Variants in LRRC4C observed in about 807,000 individuals in gnomAD.
LRRC4C encodes the protein leucine rich repeat containing 4C.
LRRC4C carries 5 observed loss-of-function variants against 33.6 expected under a neutral mutation model. The ratio of observed to expected loss-of-function variants is 0.15; its 90% CI spans 0.08 to 0.31. The LOEUF is 0.31. LRRC4C is among the 10% of genes least tolerant of loss of function. LRRC4C has a pLI of 1.00. For missense variants in LRRC4C, 560 were observed against 796.7 expected, an observed-to-expected ratio of 0.70 and a Z score of 3.58; for synonymous variants, 329 against 302.0, an observed-to-expected ratio of 1.09 and a Z score of -0.93.
intron 5 of LRRC4C, among the ~76,000 whole-genome samples, chr11:40,204,037 C>A (rs914074012): frequency 6.6e-6 from 1 of 152,170 alleles, no homozygotes; most frequent in African/African-American, 2.4e-5. Context: ...ACCATCACAC[C>A]TCAACCTCCC....
At chr11:40,915,749 G>A (rs1437958176) in intron 2 of LRRC4C, among the ~76,000 whole-genome samples, 1 of 151,862 alleles carries the variant, frequency 6.6e-6, no homozygotes, top group Non-Finnish European at 1.5e-5. Context: ...TACCATCAGA[G>A]TGAACAGGCA....
At chr11:40,887,800 A>G (rs766219213) in intron 2 of LRRC4C, among the ~76,000 whole-genome samples, 3 of 152,008 alleles carry the variant, frequency 2.0e-5, no homozygotes, top group Non-Finnish European at 2.9e-5. Flanking sequence ...CTAGAATATT[A>G]ATGATGTTGT....
chr11:40,977,811 C>G (rs544979810), intron 1 of LRRC4C, among the ~76,000 whole-genome samples: 2 of 152,182 alleles, frequency 1.3e-5, no homozygotes, highest in African/African-American at 4.8e-5. Flanking sequence ...TAGTGCTAAT[C>G]ATTTCAATCA....
chr11:40,134,152 G>A (rs1336359540), intron 6 of LRRC4C, among the ~76,000 whole-genome samples: 1 of 152,114 alleles, frequency 6.6e-6, no homozygotes, highest in East Asian at 1.9e-4. Context: ...AGCTACTTGG[G>A]AGGCTGAAGC....
Position 40,625,550 on chromosome 11 carries a change from C to G in LRRC4C, c.-270+22592G>C, listed in dbSNP as rs183544422. Among the ~76,000 whole-genome samples the G allele has an allele frequency of 1.5e-3, 221 of 152,148 alleles. 1 individual carries two copies. Among genetic ancestry groups the G allele is most frequent in the African/African-American group, 5.2e-3 (215 of 41,522 alleles). On this transcript the variant is annotated intron_variant, in intron 3 of 6. Coordinates refer to ENST00000528697, the MANE Select transcript of LRRC4C (RefSeq NM_001258419.2). ...TCACTTACCTCCCAAAGGGTCCCTC[C>G]TAGGACACATGGGGATTATGGTAGC...
chr11:40,578,303 A>T (rs1318117268), intron 3 of LRRC4C, among the ~76,000 whole-genome samples: 1 of 151,256 alleles, frequency 6.6e-6, no homozygotes, highest in African/African-American at 2.4e-5. Flanking sequence ...TTTTACATTC[A>T]GGTGTCAGGA....
At chr11:41,316,227 G>A (rs1226112297) in intron 1 of LRRC4C, among the ~76,000 whole-genome samples, 1 of 81,662 alleles carries the variant, frequency 1.2e-5, no homozygotes, top group African/African-American at 4.4e-5. Flanking sequence ...AGTTTTTTCA[G>A]CCAATAAATG....
rs146017149 is a variant in LRRC4C, at chr11:40,502,336, C to T, written c.-270+145806G>A. 2.5e-3 allele frequency among the ~76,000 whole-genome samples: 388 copies of T among 152,246 alleles called. 1 individual carries two copies. Among genetic ancestry groups the T allele is most frequent in the African/African-American group, 8.7e-3 (363 of 41,546 alleles). ...TTTTGGGTATCTTTTCAGCAGTGCCCCCACTCTATTGGCACCAATTTACTG... is the reference window on the plus strand; with the variant it reads ...TTTTGGGTATCTTTTCAGCAGTGCCTCCACTCTATTGGCACCAATTTACTG... On this transcript the variant is annotated intron_variant, in intron 3 of 6. Transcript: ENST00000528697.
At chr11:40,492,971 G>T (rs943595691) in intron 3 of LRRC4C, among the ~76,000 whole-genome samples, 4 of 151,850 alleles carry the variant, frequency 2.6e-5, no homozygotes, top group African/African-American at 7.3e-5. Context: ...TTTTCTACCT[G>T]TTATAAGTGA....
intron 1 of LRRC4C, among the ~76,000 whole-genome samples, chr11:40,984,306 GGAAA>G (rs929183612): frequency 1.6e-5 from 2 of 126,836 alleles, no homozygotes; most frequent in Non-Finnish European, 3.3e-5. Flanking sequence ...AGAGAGAGAA[GGAAA>G]GAAAGAAAAA....
intron 6 of LRRC4C, among the ~76,000 whole-genome samples, chr11:40,119,846 G>C (rs894772201): frequency 6.6e-6 from 1 of 151,996 alleles, no homozygotes; most frequent in Non-Finnish European, 1.5e-5. Context: ...TTCTTTATCA[G>C]GTTCTCCCAG....
At chr11:40,802,768 A>G (rs796668544) in intron 2 of LRRC4C, among the ~76,000 whole-genome samples, 13 of 152,338 alleles carry the variant, frequency 8.5e-5, no homozygotes, top group African/African-American at 2.6e-4. Context: ...AAAACTGTGA[A>G]GAATACATAT....
intron 1 of LRRC4C, among the ~76,000 whole-genome samples, chr11:41,047,248 G>T (rs1857838353): frequency 6.6e-6 from 1 of 151,994 alleles, no homozygotes; most frequent in South Asian, 2.1e-4. Flanking sequence ...CATATAAAAA[G>T]ATGCTCAACA....
chr11:40,806,513 C>A (rs78389861), intron 2 of LRRC4C, among the ~76,000 whole-genome samples: 1,707 of 152,314 alleles, frequency 0.011, 43 homozygotes, highest in African/African-American at 0.037. Flanking sequence ...CATGCAGCAC[C>A]ACATCCACTA....
rs575597543 is a variant in LRRC4C, at chr11:41,149,187, T to C, written c.-495-215464A>G. 2.4e-4 allele frequency among the ~76,000 whole-genome samples: 36 copies of C among 152,140 alleles called. No homozygotes were observed. The Middle Eastern group carries it at 0.01, about 43-fold the overall frequency. On this transcript the variant is annotated intron_variant, in intron 1 of 6. Transcript: ENST00000528697. ...GTCTATAAAAATTAAAGTGAGATAA[T>C]TGAAGGGTAGAGAAGGGAATTAAAA...
intron 2 of LRRC4C, among the ~76,000 whole-genome samples, chr11:40,811,778 G>A (rs1485085024): frequency 1.3e-5 from 2 of 152,172 alleles, no homozygotes; most frequent in Admixed American, 1.3e-4. Flanking sequence ...TTACAGGCAT[G>A]AGCCATCACA....
intron 1 of LRRC4C, among the ~76,000 whole-genome samples, chr11:41,122,161 G>C (rs1942470569): frequency 6.6e-6 from 1 of 152,122 alleles, no homozygotes; most frequent in Non-Finnish European, 1.5e-5. Context: ...GAAATAGCTA[G>C]CTGAGACATC....
chr11:40,349,149 A>T (rs888232541), intron 3 of LRRC4C, among the ~76,000 whole-genome samples: 3 of 152,122 alleles, frequency 2.0e-5, no homozygotes, highest in African/African-American at 4.8e-5. Context: ...TGTGCTATCA[A>T]ATACTAGATT....
intron 3 of LRRC4C, among the ~76,000 whole-genome samples, chr11:40,443,710 T>G (rs927325118): frequency 6.6e-5 from 10 of 152,168 alleles, no homozygotes; most frequent in Non-Finnish European, 5.9e-5. Context: ...ACCTGTGGTA[T>G]TTACAGTGTG....
Sources: gnomAD v4.1 joint callset for allele counts (sites outside exome capture counted in the v4.1 genomes callset) on GRCh38, gnomAD v4.1.1 for gene constraint, MANE v1.5 for transcripts, NCBI Gene and HGNC (gene_info 2026-07-23, HGNC 2026-07-21) for gene names.